The following ZNF132 variants were observed in gnomAD, a reference collection of about 807,000 sequenced individuals.
ZNF132 encodes the protein zinc finger protein 132 (clone pHZ-12).
A neutral mutation model predicts 9.3 loss-of-function variants in ZNF132; 6 were observed. The ratio of observed to expected loss-of-function variants is 0.65; its 90% CI spans 0.35 to 1.28. The LOEUF is 1.28. Among genes scored for constraint, ZNF132 ranks in the 50% most tolerant of loss-of-function variants. The pLI, the probability that ZNF132 is intolerant of heterozygous loss-of-function variation, is 0.03. For synonymous variants in ZNF132, 296 were observed against 292.0 expected (o/e 1.01, Z -0.14); for missense variants, 877 against 843.2 (o/e 1.04, Z -0.50).
Position 58,434,306 on chromosome 19 carries a change from A to T in ZNF132, c.1138T>A (p.Cys380Ser), listed in dbSNP as rs771766154. The T allele has an allele frequency of 6.2e-7, 1 of 1,614,184 alleles. No homozygotes were observed. Among genetic ancestry groups the T allele is most frequent in the Non-Finnish European group, 8.5e-7 (1 of 1,180,032 alleles). ...TGERPFECLK[C>S]GRAFSQSSNF... Reference sequence around the variant, plus strand: ...GAGCTTTGGCTGAAGGCTCTTCCACATTTCAGGCACTCAAAAGGCCTTTCT... The same window carrying T: ...GAGCTTTGGCTGAAGGCTCTTCCACTTTTCAGGCACTCAAAAGGCCTTTCT... Residue 380 changes from cysteine to serine, a missense_variant, in exon 3 of 3, where the codon TGT becomes AGT. Coordinates refer to ENST00000254166, the MANE Select transcript of ZNF132 (RefSeq NM_003433.4).
Position 58,434,668 on chromosome 19 carries a change from G to A in ZNF132, c.776C>T (p.Ser259Phe). Reference protein sequence around the residue: ...STLPNHLRTHSEEIPFTCPTG... With the variant: ...STLPNHLRTHFEEIPFTCPTG... The stretch of plus-strand genomic sequence containing the variant: ...TGGGCATGTAAATGGTATCTCTTCA[G>A]AGTGAGTTCTCAGATGGTTGGGGAG... The change falls in exon 3 of 3, where the codon TCT becomes TTT. Residue 259 changes from serine to phenylalanine, a missense_variant. Ser to Phe is a radical substitution (Grantham distance 155). Transcript: ENST00000254166. The A allele has an allele frequency of 1.2e-6, 2 of 1,614,212 alleles. No homozygotes were observed. The highest frequency in any genetic ancestry group is 8.5e-7 in the Non-Finnish European group (1 of 1,180,032).
At chr19:58,435,312 C>T (rs1368704536) in intron 2 of ZNF132, 101 bp from the exon 3 acceptor site, 1 of 1,365,246 alleles carries the variant, frequency 7.3e-7, no homozygotes, top group African/African-American at 1.5e-5. Flanking sequence ...AGAAGAGGTC[C>T]CAGGGATTGC....
intron 1 of ZNF132, 57 bp from the exon 2 acceptor site, chr19:58,437,272 C>A: frequency 6.6e-7 from 1 of 1,519,726 alleles, no homozygotes; most frequent in South Asian, 1.3e-5. Context: ...TGCTGTGTGA[C>A]TCAGAATCCT....
chr19:58,438,007 G>T (rs1392064487), intron 1 of ZNF132, among the ~76,000 whole-genome samples: 1 of 152,154 alleles, frequency 6.6e-6, no homozygotes, highest in Non-Finnish European at 1.5e-5. Flanking sequence ...TGGGGACTCA[G>T]CTTAGGCTGA....
chr19:58,439,670 C>A, intron 1 of ZNF132, 89 bp downstream of exon 1: 1 of 1,380,116 alleles, frequency 7.2e-7, no homozygotes, highest in Non-Finnish European at 9.6e-7. Context: ...ATCAAGAGTC[C>A]CAGGACACCA....
Position 58,434,483 on chromosome 19 carries a change from A to G in ZNF132, c.961T>C (p.Cys321Arg). The G allele has an allele frequency of 6.2e-7, 1 of 1,614,188 alleles. No homozygotes were observed. Among genetic ancestry groups the G allele is most frequent in the Non-Finnish European group, 8.5e-7 (1 of 1,180,054 alleles). Residue 321 changes from cysteine (C) to arginine (R), a missense_variant, in exon 3 of 3, where the codon TGC becomes CGC. Cys to Arg is a radical substitution (Grantham distance 180, BLOSUM62 -3). Transcript: ENST00000254166. ...KFHTEVKYYE[C>R]IACGKTFNHK... ...TTGAAGGTTTTCCCACATGCAATGC[A>G]CTCATAATATTTTACTTCAGTGTGA...
chr19:58,438,714 C>A (rs1363441296), intron 1 of ZNF132, among the ~76,000 whole-genome samples: 1 of 151,700 alleles, frequency 6.6e-6, no homozygotes, highest in Non-Finnish European at 1.5e-5. Context: ...ACCTAGTGAT[C>A]CACCTGCCTC....
In ZNF132 at chr19:58,433,368, G is replaced by A; in HGVS notation, c.2076C>T (p.Phe692=). 6.2e-7 allele frequency: 1 copy of A among 1,614,230 alleles called. No individual in the cohort carries two copies. The highest frequency in any genetic ancestry group is 8.5e-7 in the Non-Finnish European group (1 of 1,180,038). Residue 692 remains phenylalanine, a synonymous_variant, in exon 3 of 3, where the codon TTC becomes TTT. Coordinates refer to ENST00000254166, the MANE Select transcript of ZNF132 (RefSeq NM_003433.4). ...TYECSQCGKL[F]SHLCNLAQHK... The stretch of plus-strand genomic sequence containing the variant: ...GCTGTGCAAGGTTACAAAGATGGCT[G>A]AAGAGTTTCCCACACTGGCTACACT...
At chr19:58,436,848 C>G in intron 2 of ZNF132, 199 bp downstream of exon 2, 1 of 763,688 alleles carries the variant, frequency 1.3e-6, no homozygotes, top group South Asian at 1.4e-5. Context: ...TGGGCAACAG[C>G]TATTAGGAAA....
At chr19:58,437,873 C>T in intron 1 of ZNF132, 2 of 835,296 alleles carry the variant, frequency 2.4e-6, no homozygotes, top group Non-Finnish European at 2.9e-6. Context: ...GAACCATAAG[C>T]AGATCTCAAA....
At chr19:58,436,684 AAAAAAAAAG>A (rs2052774936) in intron 2 of ZNF132, among the ~76,000 whole-genome samples, 1 of 151,498 alleles carries the variant, frequency 6.6e-6, no homozygotes. Flanking sequence ...AAAAAAAAAA[AAAAAAAAAG>A]GAAAAAAAAA....
At chr19:58,438,390 A>C (rs1429092410) in intron 1 of ZNF132, among the ~76,000 whole-genome samples, 1 of 151,952 alleles carries the variant, frequency 6.6e-6, no homozygotes, top group African/African-American at 2.4e-5. Flanking sequence ...CTCAAATACA[A>C]CATGGCCAAA....
Position 58,433,755 on chromosome 19 carries a change from T to A in ZNF132, c.1689A>T (p.Arg563Ser), listed in dbSNP as rs147413645. Reference protein sequence around the residue: ...AHSSTLIEHWRVHTKERPYEC... With the variant: ...AHSSTLIEHWSVHTKERPYEC... The stretch of plus-strand genomic sequence containing the variant: ...CATAAGGCCTTTCTTTTGTGTGAAC[T>A]CTCCAGTGTTCAATGAGAGTGGAGC... The change falls in exon 3 of 3, where the codon AGA becomes AGT. Residue 563 changes from arginine (R) to serine (S), a missense_variant. By Grantham distance (110) the Arg-to-Ser change is moderately radical. Coordinates refer to ENST00000254166, the MANE Select transcript of ZNF132 (RefSeq NM_003433.4). The A allele has an allele frequency of 2.1e-5, 34 of 1,613,964 alleles. No homozygotes were observed. The highest frequency in any genetic ancestry group is 4.2e-6 in the Non-Finnish European group (5 of 1,179,942).
At position 58,434,354 on chromosome 19, in the gene ZNF132, G is replaced by A. The variant is rs143821827; in HGVS notation, c.1090C>T (p.Arg364Trp). ...KAFSNRSHLI[R>W]HEKVHTGERP... ...TCTCCAGTGTGAACTTTCTCATGCC[G>A]AATGAGGTGTGATCTGTTACTGAAG... is the stretch of plus-strand genomic sequence containing the variant. Residue 364 changes from arginine (R) to tryptophan (W), a missense_variant, in exon 3 of 3, where the codon CGG (arginine) becomes TGG (tryptophan). Physicochemically the swap from Arg to Trp is moderately radical, Grantham distance 101. Transcript: ENST00000254166. 29 of 1,614,094 alleles carry A rather than the reference G, an allele frequency of 1.8e-5. No homozygotes were observed. Among genetic ancestry groups the A allele is most frequent in the Middle Eastern group, 3.3e-4 (2 of 6,084 alleles).
chr19:58,435,281 T>C (rs973043522), intron 2 of ZNF132, 70 bp from the exon 3 acceptor site: 3 of 1,528,188 alleles, frequency 2.0e-6, no homozygotes, highest in African/African-American at 1.4e-5. Context: ...ATTAGAAATG[T>C]TACCCAGGAA....
chr19:58,434,722 C>G lies in ZNF132; in HGVS notation c.722G>C (p.Cys241Ser). Residue 241 changes from cysteine to serine, a missense_variant, in exon 3 of 3, where the codon TGT becomes TCT. Transcript: ENST00000254166. ...GGAGCTCTTCAGGAAGGCTTTTCCA[C>G]AGTTGCTGCACTCGAAGAGTTTCTG... ...TTQKLFECSN[C>S]GKAFLKSSTL... 6.2e-7 allele frequency: 1 copy of G among 1,614,190 alleles called. No individual in the cohort carries two copies. The highest frequency in any genetic ancestry group is 8.5e-7 in the Non-Finnish European group (1 of 1,180,040).
rs981025977 is a variant in ZNF132, at chr19:58,439,868, C to A, written c.-47G>T. ...CCTGCCGCTGGGCCGAACCCTCACA[C>A]TTCCGCTGGGTGACGGTCGCACTCA... On this transcript the variant is annotated 5_prime_UTR_variant, in exon 1 of 3. Coordinates refer to ENST00000254166, the MANE Select transcript of ZNF132 (RefSeq NM_003433.4). 5 of 1,527,502 alleles carry A rather than the reference C, an allele frequency of 3.3e-6. No individual in the cohort carries two copies. The Admixed American group carries it at 6.4e-5, about 19-fold the overall frequency. 94.6% of individuals were successfully genotyped at this position (1,527,502 alleles called of 1,614,324 possible).
In ZNF132 at chr19:58,434,688, G is replaced by A. The variant is rs2052762655; in HGVS notation, c.756C>T (p.Pro252=). The change falls in exon 3 of 3, where the codon CCC becomes CCT. Residue 252 remains proline (P), a synonymous_variant. Coordinates refer to ENST00000254166, the MANE Select transcript of ZNF132 (RefSeq NM_003433.4). ...GKAFLKSSTL[P]NHLRTHSEEI... ...CTTCAGAGTGAGTTCTCAGATGGTT[G>A]GGGAGAGTGGAGCTCTTCAGGAAGG... 1 of 1,614,084 alleles carries A rather than the reference G, an allele frequency of 6.2e-7. No individual in the cohort carries two copies. Among genetic ancestry groups the A allele is most frequent in the Non-Finnish European group, 8.5e-7 (1 of 1,180,046 alleles).
At chr19:58,435,753 G>A (rs941826063) in intron 2 of ZNF132, 16 of 154,570 alleles carry the variant, frequency 1.0e-4, no homozygotes, top group Admixed American at 6.4e-5. Context: ...ACAAAAATGT[G>A]TACAGGACTG....
Sources: allele counts gnomAD v4.1 joint callset (sites outside exome capture counted in the v4.1 genomes callset), GRCh38; gene constraint gnomAD v4.1.1; transcripts MANE v1.5; gene names NCBI Gene and HGNC (gene_info 2026-07-23, HGNC 2026-07-21).